Variants in CACNB2 observed in about 807,000 individuals in gnomAD.
CACNB2 encodes voltage-dependent L-type calcium channel subunit beta-2.
CACNB2 carries 42 observed loss-of-function variants against 73.3 expected under a neutral mutation model. The observed-to-expected ratio is 0.57, with a 90% CI of 0.45 to 0.74. The LOEUF is 0.74. Ranked by LOEUF, CACNB2 falls within the 30% of genes least tolerant of loss-of-function variation. The pLI is 0.00. For synonymous variants in CACNB2, 348 were observed against 310.3 expected (o/e 1.12, Z -1.28); for missense variants, 940 against 853.0 (o/e 1.10, Z -1.27).
intron 2 of CACNB2, among the ~76,000 whole-genome samples, chr10:18,381,222 A>G (rs1258267316): frequency 6.6e-6 from 1 of 150,850 alleles, no homozygotes; most frequent in African/African-American, 2.4e-5. Context: ...TAGATGGTTC[A>G]TTTTGGCCGG....
intron 2 of CACNB2, among the ~76,000 whole-genome samples, chr10:18,311,289 G>T (rs181508064): frequency 6.6e-6 from 1 of 152,204 alleles, no homozygotes; most frequent in African/African-American, 2.4e-5. Flanking sequence ...AGGTGGCATG[G>T]GTTCCTCTGG....
chr10:18,493,667 A>G (rs1460462832), intron 3 of CACNB2, among the ~76,000 whole-genome samples: 1 of 152,136 alleles, frequency 6.6e-6, no homozygotes, highest in Non-Finnish European at 1.5e-5. Context: ...TAATGAGACT[A>G]AAGAATTTGC....
chr10:18,219,811 C>G (rs1335236052), intron 2 of CACNB2, among the ~76,000 whole-genome samples: 3 of 150,584 alleles, frequency 2.0e-5, no homozygotes, highest in African/African-American at 7.3e-5. Flanking sequence ...ACTCTGTCAC[C>G]CAGGCTCAAG....
intron 2 of CACNB2, among the ~76,000 whole-genome samples, chr10:18,191,701 A>G (rs531968462): frequency 7.9e-5 from 12 of 152,250 alleles, no homozygotes; most frequent in East Asian, 5.8e-4. Flanking sequence ...TTGAGTTTCC[A>G]TTCCTGAGTT....
intron 3 of CACNB2, among the ~76,000 whole-genome samples, chr10:18,476,928 G>T (rs989168561): frequency 6.6e-6 from 1 of 151,926 alleles, no homozygotes; most frequent in African/African-American, 2.4e-5. Flanking sequence ...GCTGAGACAG[G>T]AGAATCACTT....
intron 2 of CACNB2, among the ~76,000 whole-genome samples, chr10:18,312,573 T>C (rs2040002504): frequency 6.6e-6 from 1 of 152,188 alleles, no homozygotes; most frequent in Admixed American, 6.5e-5. Context: ...ATCAGTGTCC[T>C]TTAAGTGTGT....
intron 3 of CACNB2, among the ~76,000 whole-genome samples, chr10:18,429,808 GAA>G (rs748893112): frequency 1.1e-3 from 82 of 71,690 alleles, no homozygotes; most frequent in Middle Eastern, 7.5e-3. Flanking sequence ...CGTCTCTACC[GAA>G]AAAAAAAAAA....
chr10:18,332,088 A>C (rs1026204491), intron 2 of CACNB2, among the ~76,000 whole-genome samples: 3 of 152,184 alleles, frequency 2.0e-5, no homozygotes, highest in Admixed American at 2.0e-4. Flanking sequence ...AGTGGAAGCC[A>C]TATCTCCCCA....
chr10:18,457,370 A>T (rs1589414709), intron 3 of CACNB2, among the ~76,000 whole-genome samples: 1 of 152,238 alleles, frequency 6.6e-6, no homozygotes, highest in South Asian at 2.1e-4. Flanking sequence ...AATTACAGGC[A>T]TGAGCCACCA....
At chr10:18,518,748 G>C (rs1426009919) in intron 8 of CACNB2, among the ~76,000 whole-genome samples, 162 bp from the exon 9 acceptor site, 2 of 152,122 alleles carry the variant, frequency 1.3e-5, no homozygotes, top group Admixed American at 1.3e-4. Flanking sequence ...AATTGTCATT[G>C]CATCAGAACT....
chr10:18,352,688 T>G (rs557806076), intron 2 of CACNB2, among the ~76,000 whole-genome samples: 1 of 152,306 alleles, frequency 6.6e-6, no homozygotes, highest in East Asian at 1.9e-4. Flanking sequence ...TGCAAAAATG[T>G]TTTTCAAGGA....
chr10:18,148,498 A>T (rs1252347282), intron 1 of CACNB2, among the ~76,000 whole-genome samples: 1 of 152,204 alleles, frequency 6.6e-6, no homozygotes, highest in African/African-American at 2.4e-5. Flanking sequence ...AATGTGTTCA[A>T]CTTCTTGCAG....
chr10:18,461,287 G>C (rs2047561527), intron 3 of CACNB2, among the ~76,000 whole-genome samples: 1 of 152,200 alleles, frequency 6.6e-6, no homozygotes, highest in East Asian at 1.9e-4. Flanking sequence ...TCCTCAAGGT[G>C]CCAGGCGTTA....
At chr10:18,199,482 T>C (rs1205927225) in intron 2 of CACNB2, among the ~76,000 whole-genome samples, 2 of 151,950 alleles carry the variant, frequency 1.3e-5, no homozygotes, top group African/African-American at 2.4e-5. Flanking sequence ...TGGAACCCCA[T>C]GAGAAAAAGC....
intron 2 of CACNB2, among the ~76,000 whole-genome samples, chr10:18,203,896 A>G (rs529055293): frequency 1.3e-5 from 2 of 152,292 alleles, no homozygotes; most frequent in African/African-American, 2.4e-5. Context: ...GCTTTTGCCA[A>G]TTGTGTTTGT....
chr10:18,279,846 G>A (rs917968677), intron 2 of CACNB2, among the ~76,000 whole-genome samples: 1 of 152,200 alleles, frequency 6.6e-6, no homozygotes, highest in African/African-American at 2.4e-5. Flanking sequence ...TTGGGAGGCT[G>A]AGGTGGGCAG....
intron 2 of CACNB2, among the ~76,000 whole-genome samples, chr10:18,152,743 A>AAAAAAAAAAAC (rs2031703126): frequency 7.2e-6 from 1 of 138,786 alleles, no homozygotes; most frequent in African/African-American, 2.7e-5. Flanking sequence ...CAAAAAACAA[A>AAAAAAAAAAAC]ACACTAGCTC....
chr10:18,152,727 A>C (rs570017578), intron 2 of CACNB2, among the ~76,000 whole-genome samples: 8 of 116,942 alleles, frequency 6.8e-5, no homozygotes, highest in Admixed American at 1.6e-4. Flanking sequence ...AAAAAAAAAA[A>C]AAAAACAAAA....
At chr10:18,423,303 G>A (rs2045425424) in intron 3 of CACNB2, among the ~76,000 whole-genome samples, 1 of 152,184 alleles carries the variant, frequency 6.6e-6, no homozygotes, top group Non-Finnish European at 1.5e-5. Flanking sequence ...TGATTAAATA[G>A]TTTGGGGTGG....
Sources: allele counts gnomAD v4.1 joint callset (sites outside exome capture counted in the v4.1 genomes callset), GRCh38; gene constraint gnomAD v4.1.1; transcripts MANE v1.5; gene names NCBI Gene and HGNC (gene_info 2026-07-23, HGNC 2026-07-21).